The following PDHB variants were observed in gnomAD, a reference collection of about 807,000 sequenced individuals.
PDHB encodes pyruvate dehydrogenase E1 subunit beta, also known as pyruvate dehydrogenase E1 component subunit beta, mitochondrial.
Under a neutral mutation model 42.8 loss-of-function variants are expected in PDHB, and 17 were observed. The ratio of observed to expected loss-of-function variants is 0.40; its 90% CI spans 0.27 to 0.60. PDHB has a LOEUF of 0.60. Ranked by LOEUF, PDHB falls within the 20% of genes least tolerant of loss-of-function variation. The probability of loss-of-function intolerance (pLI) is 0.46; values close to 1 mark genes in which losing one functional copy is unlikely to be tolerated. For missense variants in PDHB, 322 were observed against 451.3 expected (o/e 0.71, Z 2.60); for synonymous variants, 154 against 148.7 (o/e 1.04, Z -0.26).
rs775425923 is a variant in PDHB at position 58,430,182 on chromosome 3, C to A, written c.646G>T (p.Ala216Ser). ...GGAATCAGAAAATCTTTTGACTGAG[C>A]TTCCGGAGGAAATTCAAAAGGAACC... ...YGVPFEFPPE[A>S]QSKDFLIPIG... The change falls in exon 7 of 10, where the codon GCT (alanine) becomes TCT (serine). Residue 216 changes from alanine to serine, a missense_variant. By Grantham distance (99) the Ala-to-Ser change is moderately conservative. This residue lies in a region of PDHB where 208 missense variants were observed against 285.0 expected (regional missense o/e 0.73). Coordinates refer to ENST00000302746, the MANE Select transcript of PDHB (RefSeq NM_000925.4). The A allele has an allele frequency of 6.2e-7, 1 of 1,613,190 alleles. No individual in the cohort carries two copies. Among genetic ancestry groups the A allele is most frequent in the Non-Finnish European group, 8.5e-7 (1 of 1,179,510 alleles).
In PDHB at chr3:58,431,446, G is replaced by A. The variant is rs1282655281; in HGVS notation, c.303+147C>T. ...ACCTGTAACCCCAGCCACTATGGAG[G>A]CTGAGGCAGGAGAATTGCTTGAACC... On this transcript the variant is annotated intron_variant, in intron 5 of 9. Transcript: ENST00000302746. This position sits in a 1 kb window ranked among gnomAD's most constrained non-coding sequence, Gnocchi z 4.4. The A allele has an allele frequency of 1.5e-5, 11 of 727,030 alleles. No individual in the cohort carries two copies. The highest frequency in any genetic ancestry group is 2.4e-5 in the Non-Finnish European group (10 of 410,010). The allele number at this position is 727,030 out of a possible 1,614,324, so 45.0% of individuals were successfully genotyped here.
chr3:58,431,012 C>T lies in PDHB; in HGVS notation c.304-70G>A. 2.2e-6 allele frequency: 3 copies of T among 1,345,822 alleles called. No individual in the cohort carries two copies. The highest frequency in any genetic ancestry group is 2.1e-6 in the Non-Finnish European group (2 of 936,288). The allele number at this position is 1,345,822 out of a possible 1,614,324, so 83.4% of individuals were successfully genotyped here. A position where few individuals can be genotyped will look rare whatever the true frequency, so the allele number is the denominator to read the frequency against. Reference sequence around the variant, plus strand: ...ACAAACAGTAGCAAACAAATCACTCCAAGTCTTCCAACATTCAAATAATGT... The same window carrying T: ...ACAAACAGTAGCAAACAAATCACTCTAAGTCTTCCAACATTCAAATAATGT... On this transcript the variant is annotated intron_variant, in intron 5 of 9. Coordinates refer to ENST00000302746, the MANE Select transcript of PDHB (RefSeq NM_000925.4). This position sits in a 1 kb window ranked among gnomAD's most constrained non-coding sequence, Gnocchi z 4.4.
intron 2 of PDHB, chr3:58,433,358 T>C (rs1274284512): frequency 1.7e-6 from 1 of 591,908 alleles, no homozygotes; most frequent in African/African-American, 1.9e-5. Flanking sequence ...AGGTCTATTT[T>C]GCTGCAATTT....
intron 2 of PDHB, chr3:58,433,191 T>G: frequency 4.4e-6 from 1 of 225,496 alleles, no homozygotes. Flanking sequence ...TTACCAGGGG[T>G]TTGGGGAAGG....
chr3:58,429,703 C>G lies in PDHB; in HGVS notation c.792+5G>C. The stretch of plus-strand genomic sequence containing the variant: ...TTCTTTAAGAACAAGTAAATGTCCA[C>G]TCACCTCACATTCAACTCCTTCTTT... On this transcript the variant is annotated splice_donor_5th_base_variant and intron_variant, in intron 8 of 9. Coordinates refer to ENST00000302746, the MANE Select transcript of PDHB (RefSeq NM_000925.4). The G allele has an allele frequency of 6.4e-7, 1 of 1,569,588 alleles. No individual in the cohort carries two copies.
chr3:58,429,834 T>G (rs2062904751), intron 7 of PDHB, 35 bp from the exon 8 acceptor site: 1 of 1,282,020 alleles, frequency 7.8e-7, no homozygotes, highest in African/African-American at 1.5e-5. Flanking sequence ...AGAGATCAGG[T>G]TGAAACTGAA....
At chr3:58,429,422 C>T (rs1292848220) in intron 8 of PDHB, among the ~76,000 whole-genome samples, 1 of 151,192 alleles carries the variant, frequency 6.6e-6, no homozygotes, top group Non-Finnish European at 1.5e-5. Flanking sequence ...GCCTGGGCAA[C>T]AGAACAAAAG....
chr3:58,433,818 T>G lies in PDHB; in HGVS notation c.-9A>C. ...CCAGACACCGCCGCCATCTTGGTCG[T>G]GTCCTCTATCCGCTGCCAAACGACA... On this transcript the variant is annotated 5_prime_UTR_variant, in exon 1 of 10. Coordinates refer to ENST00000302746, the MANE Select transcript of PDHB (RefSeq NM_000925.4). 3 of 1,609,968 alleles carry G rather than the reference T, an allele frequency of 1.9e-6. No individual in the cohort carries two copies. The highest frequency in any genetic ancestry group is 2.5e-6 in the Non-Finnish European group (3 of 1,178,808).
chr3:58,430,642 G>A lies in PDHB; in HGVS notation c.589+15C>T, dbSNP rs914760947. The A allele has an allele frequency of 6.2e-7, 1 of 1,610,244 alleles. No individual in the cohort carries two copies. The highest frequency in any genetic ancestry group is 8.5e-7 in the Non-Finnish European group (1 of 1,177,926). ...TTTCAATCTTCAAAAAAAACCAAAG[G>A]GTCCCTGTGCTGACCTGGATTGTTA... On this transcript the variant is annotated intron_variant, in intron 6 of 9. Coordinates refer to ENST00000302746, the MANE Select transcript of PDHB (RefSeq NM_000925.4).
rs863224158 is a variant in PDHB at position 58,430,827 on chromosome 3, A to T, written c.419T>A (p.Val140Glu). The T allele has an allele frequency of 6.2e-7, 1 of 1,614,234 alleles. No homozygotes were observed. The highest frequency in any genetic ancestry group is 8.5e-7 in the Non-Finnish European group (1 of 1,180,022). ...TYYMSGGLQP[V>E]PIVFRGPNGA... ...ATTGGGCCCTCTGAAGACTATAGGCACAGGCTGAAGGCCACCAGACATGTA... is the reference window on the plus strand; with the variant it reads ...ATTGGGCCCTCTGAAGACTATAGGCTCAGGCTGAAGGCCACCAGACATGTA... The change falls in exon 6 of 10, where the codon GTG becomes GAG. Residue 140 changes from valine (V) to glutamate (E), a missense_variant. Transcript: ENST00000302746.
chr3:58,433,578 A>AGAGAAGGGGGGACCCTCCCCGC, intron 2 of PDHB, 53 bp downstream of exon 2: 18 of 1,559,478 alleles, frequency 1.2e-5, no homozygotes, highest in Non-Finnish European at 1.6e-5. Flanking sequence ...CTCCTTCCCG[A>AGAGAAGGGGGGACCCTCCCCGC]GAGAAGGGGG....
At position 58,427,977 on chromosome 3, in the gene PDHB, G is replaced by A. The variant is rs1377862340; in HGVS notation, c.*57C>T. On this transcript the variant is annotated 3_prime_UTR_variant, in exon 10 of 10. Coordinates refer to ENST00000302746, the MANE Select transcript of PDHB (RefSeq NM_000925.4). ...GTCAGGTCTTGCAGTACAAATCCAG[G>A]TGCAGTGCCAGCAAGTATTTCAAAT... is the stretch of plus-strand genomic sequence containing the variant. The A allele has an allele frequency of 3.1e-6, 4 of 1,283,678 alleles. No homozygotes were observed. Among genetic ancestry groups the A allele is most frequent in the Non-Finnish European group, 3.4e-6 (3 of 888,898 alleles). The allele number at this position is 1,283,678 out of a possible 1,614,324, so 79.5% of individuals were successfully genotyped here.
At position 58,431,320 on chromosome 3, in the gene PDHB, G is replaced by A. The variant is rs533249609; in HGVS notation, c.303+273C>T. 18 of 477,870 alleles carry A rather than the reference G, an allele frequency of 3.8e-5. No homozygotes were observed. The highest frequency in any genetic ancestry group is 5.7e-5 in the Non-Finnish European group (15 of 263,492). 29.6% of individuals were successfully genotyped at this position (477,870 alleles called of 1,614,324 possible). A position where few individuals can be genotyped will look rare whatever the true frequency, so the allele number is the denominator to read the frequency against. ...TCCCAGCACTTTGGGAGGCCAAGGC[G>A]GTCGGATCACTTGAGGCCAGGAGTT... On this transcript the variant is annotated intron_variant, in intron 5 of 9. Transcript: ENST00000302746. This position sits in a 1 kb window ranked among gnomAD's most constrained non-coding sequence, Gnocchi z 4.4.
chr3:58,431,636 G>A lies in PDHB; in HGVS notation c.268-8C>T. On this transcript the variant is annotated splice_region_variant and splice_polypyrimidine_tract_variant and intron_variant, in intron 4 of 9. Coordinates refer to ENST00000302746, the MANE Select transcript of PDHB (RefSeq NM_000925.4). The surrounding 1 kb of genome is among the most constrained non-coding windows in gnomAD (Gnocchi z 4.4). ...AATTCCAGCAAAGCCCATCTATAAAGTAAAATATAAACATAAGTGAAAATC... is the reference window on the plus strand; with the variant it reads ...AATTCCAGCAAAGCCCATCTATAAAATAAAATATAAACATAAGTGAAAATC... 1 of 1,608,756 alleles carries A rather than the reference G, an allele frequency of 6.2e-7. No individual in the cohort carries two copies. The highest frequency in any genetic ancestry group is 1.3e-5 in the African/African-American group (1 of 74,948).
chr3:58,428,340 T>A, intron 9 of PDHB, 133 bp downstream of exon 9: 2 of 1,245,564 alleles, frequency 1.6e-6, no homozygotes, highest in South Asian at 2.4e-5. Context: ...TGAAGAGAAA[T>A]GCCAAACTTA....
rs112386401 is a variant in PDHB at position 58,432,357 on chromosome 3, C to G, written c.97-373G>C. On this transcript the variant is annotated intron_variant, in intron 2 of 9. Coordinates refer to ENST00000302746, the MANE Select transcript of PDHB (RefSeq NM_000925.4). The stretch of plus-strand genomic sequence containing the variant: ...CCCCAAATAATTGAAAGCAGGGATT[C>G]AAGCATATACTTGCACATCAATGTT... 3,161 of 330,494 alleles carry G rather than the reference C, an allele frequency of 9.6e-3. 97 individuals carry two copies. The highest frequency in any genetic ancestry group is 0.063 in the African/African-American group (2,934 of 46,454). The allele number at this position is 330,494 out of a possible 1,614,324, so 20.5% of individuals were successfully genotyped here. A position where few individuals can be genotyped will look rare whatever the true frequency, so the allele number is the denominator to read the frequency against.
chr3:58,428,421 A>C, intron 9 of PDHB, 52 bp downstream of exon 9: 1 of 1,575,918 alleles, frequency 6.3e-7, no homozygotes, highest in Non-Finnish European at 8.7e-7. Flanking sequence ...ATTCAGGTAC[A>C]TGATGTTTAC....
In PDHB at chr3:58,427,968, C is replaced by T; in HGVS notation, c.*66G>A. 1 of 1,216,054 alleles carries T rather than the reference C, an allele frequency of 8.2e-7. No individual in the cohort carries two copies. Among genetic ancestry groups the T allele is most frequent in the Non-Finnish European group, 1.2e-6 (1 of 831,284 alleles). The allele number at this position is 1,216,054 out of a possible 1,614,324, so 75.3% of individuals were successfully genotyped here. A position where few individuals can be genotyped will look rare whatever the true frequency, so the allele number is the denominator to read the frequency against. The stretch of plus-strand genomic sequence containing the variant: ...TTATGAATAGTCAGGTCTTGCAGTA[C>T]AAATCCAGGTGCAGTGCCAGCAAGT... On this transcript the variant is annotated 3_prime_UTR_variant, in exon 10 of 10. Coordinates refer to ENST00000302746, the MANE Select transcript of PDHB (RefSeq NM_000925.4).
chr3:58,427,662 A>C lies in PDHB; in HGVS notation c.*372T>G, dbSNP rs1450067384. 1.9e-5 allele frequency: 7 copies of C among 369,026 alleles called. No homozygotes were observed. The highest frequency in any genetic ancestry group is 1.4e-4 in the South Asian group (7 of 48,754). 22.9% of individuals were successfully genotyped at this position (369,026 alleles called of 1,614,324 possible). A position where few individuals can be genotyped will look rare whatever the true frequency, so the allele number is the denominator to read the frequency against. ...AGAAATTCCTTTATTCCTTATCAAA[A>C]CAAACTAACAGTAAATGTATATTAT... On this transcript the variant is annotated 3_prime_UTR_variant, in exon 10 of 10. Coordinates refer to ENST00000302746, the MANE Select transcript of PDHB (RefSeq NM_000925.4).
Sources: allele counts gnomAD v4.1 joint callset (sites outside exome capture counted in the v4.1 genomes callset), GRCh38; gene constraint gnomAD v4.1.1; regional missense constraint gnomAD v4.1.1; non-coding constraint Gnocchi (gnomAD v3.1); transcripts MANE v1.5; gene names NCBI Gene and HGNC (gene_info 2026-07-23, HGNC 2026-07-21).